DST: variants seen among roughly 807,000 people sequenced by gnomAD.
DST encodes the protein bullous pemphigoid antigen.
In DST, 253 loss-of-function variants were observed where a neutral mutation model predicts 875.2. That is an observed-to-expected ratio of 0.29 (90% confidence interval 0.26 to 0.32). The LOEUF is 0.32. DST is among the 10% of genes least tolerant of loss of function. The pLI is 1.00. For missense variants in DST, 8,287 were observed against 9,111.6 expected (o/e 0.91, Z 3.68); for synonymous variants, 3,124 against 3,197.1 (o/e 0.98, Z 0.77).
chr6:56,800,861 A>C (rs1295718739), intron 4 of DST, among the ~76,000 whole-genome samples: 1 of 151,996 alleles, frequency 6.6e-6, no homozygotes, highest in Admixed American at 6.6e-5. Flanking sequence ...TCTCCAAAAA[A>C]TACAAAAAAT....
At chr6:56,617,469 C>A in intron 36 of DST, 2 of 1,408,084 alleles carry the variant, frequency 1.4e-6, no homozygotes, top group South Asian at 2.3e-5. Context: ...AACATTATGT[C>A]ACTTTATCCA....
At chr6:56,523,430 C>T (rs949595347) in intron 69 of DST, among the ~76,000 whole-genome samples, 1 of 152,070 alleles carries the variant, frequency 6.6e-6, no homozygotes, top group Non-Finnish European at 1.5e-5. Flanking sequence ...AAAGTATGTG[C>T]TAATGAGAAG....
At chr6:56,821,001 T>C (rs1281551705) in intron 4 of DST, among the ~76,000 whole-genome samples, 1 of 152,152 alleles carries the variant, frequency 6.6e-6, no homozygotes, top group Non-Finnish European at 1.5e-5. Context: ...ACAGATTCAG[T>C]ATTCTTTTAA....
chr6:56,785,223 A>G (rs2152997557), intron 4 of DST, among the ~76,000 whole-genome samples: 1 of 152,324 alleles, frequency 6.6e-6, no homozygotes, highest in South Asian at 2.1e-4. Context: ...GAGTGCTGGG[A>G]GAACCACTGC....
chr6:56,699,590 C>T, intron 9 of DST, 63 bp downstream of exon 9: 1 of 741,636 alleles, frequency 1.3e-6, no homozygotes. Flanking sequence ...CATCATTCAC[C>T]CTTCATAGGA....
At position 56,608,139 on chromosome 6, in the gene DST, G is replaced by C. The variant is rs759419515; in HGVS notation, c.6489C>G (p.Leu2163=). 4 of 1,613,682 alleles carry C rather than the reference G, an allele frequency of 2.5e-6. No homozygotes were observed. Among genetic ancestry groups the C allele is most frequent in the Non-Finnish European group, 2.5e-6 (3 of 1,179,736 alleles). The change falls in exon 40 of 104, where the codon CTC becomes CTG. Residue 2163 remains leucine, a synonymous_variant. Transcript: ENST00000680361. The part of the protein sequence containing the change: ...LEACKNARRW[L]SFCKFQPSTV... ...TGGAGGGTTGAAATTTACAAAAAGA[G>C]AGCCATCTTCTGGCATTTTTACAAG...
In DST at chr6:56,607,687, C is replaced by A; in HGVS notation, c.6941G>T (p.Ser2314Ile). 1.2e-6 allele frequency: 2 copies of A among 1,613,416 alleles called. No individual in the cohort carries two copies. Among genetic ancestry groups the A allele is most frequent in the Non-Finnish European group, 1.7e-6 (2 of 1,179,610 alleles). ...FNEMRNTVIN[S>I]EFSQSGKLAS... ...CAGTTTTCCTGACTGAGAAAATTCA[C>A]TATTGATAACAGTATTTCTCATTTC... The change falls in exon 40 of 104, where the codon AGT (serine) becomes ATT (isoleucine). Residue 2314 changes from serine (S) to isoleucine (I), a missense_variant. Physicochemically the swap from Ser to Ile is moderately radical, Grantham distance 142. This residue lies in a region of DST where 3,138 missense variants were observed against 3,116.6 expected (regional missense o/e 1.01). Coordinates refer to ENST00000680361, the MANE Select transcript of DST (RefSeq NM_001374736.1).
At chr6:56,679,093 C>T (rs1416435737) in intron 9 of DST, among the ~76,000 whole-genome samples, 3 of 149,744 alleles carry the variant, frequency 2.0e-5, no homozygotes, top group Non-Finnish European at 4.4e-5. Flanking sequence ...AGCTAACTTA[C>T]GAGGGTTGAA....
intron 37 of DST, 147 bp from the exon 38 acceptor site, chr6:56,611,743 A>C: frequency 1.7e-6 from 1 of 604,946 alleles, no homozygotes. Flanking sequence ...AGTTATTAGC[A>C]GTCTATAGAG....
chr6:56,756,448 TG>T lies in DST; in HGVS notation c.626-21160del, dbSNP rs2099603635. ...GTCACAAGAATGGGCCAGAGTTCAC[TG>T]GTAGCTGACTTAAGAATCAGTGGCC... On this transcript the variant is annotated intron_variant, in intron 4 of 103. Transcript: ENST00000680361. 2.0e-5 allele frequency among the ~76,000 whole-genome samples: 3 copies of T among 152,072 alleles called. No homozygotes were observed. The South Asian group carries it at 6.2e-4, about 32-fold the overall frequency.
chr6:56,835,866 G>T (rs927322975), intron 4 of DST, among the ~76,000 whole-genome samples: 1 of 152,158 alleles, frequency 6.6e-6, no homozygotes, highest in Non-Finnish European at 1.5e-5. Context: ...TCAAGACTTT[G>T]TCAACGCTCT....
At chr6:56,477,518 T>C (rs751696775) in intron 90 of DST, 30 bp from the exon 91 acceptor site, 1 of 1,613,150 alleles carries the variant, frequency 6.2e-7, no homozygotes, top group Non-Finnish European at 8.5e-7. Flanking sequence ...TTCAATTAAC[T>C]GTTGGCATTG....
intron 4 of DST, among the ~76,000 whole-genome samples, chr6:56,837,772 G>A (rs1360558166): frequency 6.6e-6 from 1 of 151,882 alleles, no homozygotes; most frequent in Non-Finnish European, 1.5e-5. Flanking sequence ...TTCCTCCCTG[G>A]TACTTTTCAC....
In DST at chr6:56,528,858, A is replaced by C; in HGVS notation, c.17663T>G (p.Leu5888Arg). The C allele has an allele frequency of 6.3e-7, 1 of 1,577,966 alleles. No homozygotes were observed. Among genetic ancestry groups the C allele is most frequent in the Non-Finnish European group, 8.6e-7 (1 of 1,158,212 alleles). ...TATCTCACCTGTGGTTTGTTTAAGTAGTTCTAAACCATTTAGTAAAGCCTG... is the reference window on the plus strand; with the variant it reads ...TATCTCACCTGTGGTTTGTTTAAGTCGTTCTAAACCATTTAGTAAAGCCTG... ...VDQALLNGLE[L>R]LKQTTGDEVL... Residue 5888 changes from leucine (L) to arginine (R), a missense_variant, in exon 67 of 104, where the codon CTA becomes CGA. Physicochemically the swap from Leu to Arg is moderately radical, Grantham distance 102. Coordinates refer to ENST00000680361, the MANE Select transcript of DST (RefSeq NM_001374736.1).
At chr6:56,465,197 G>A (rs551390926) in intron 99 of DST, among the ~76,000 whole-genome samples, 1 of 152,290 alleles carries the variant, frequency 6.6e-6, no homozygotes, top group African/African-American at 2.4e-5. Context: ...ATATGTCTAT[G>A]TGTACCAGAT....
At chr6:56,692,507 T>C in intron 9 of DST, 1 of 1,289,814 alleles carries the variant, frequency 7.8e-7, no homozygotes, top group Non-Finnish European at 1.0e-6. Context: ...GTGTTTTGCT[T>C]TTCTTGAATA....
chr6:56,497,674 G>A, intron 81 of DST, 167 bp from the exon 82 acceptor site: 2 of 965,048 alleles, frequency 2.1e-6, no homozygotes, highest in Non-Finnish European at 1.5e-6. Context: ...GTAGATAAGA[G>A]TATTATGCTA....
chr6:56,821,786 C>T (rs1030639831), intron 4 of DST, among the ~76,000 whole-genome samples: 1 of 152,132 alleles, frequency 6.6e-6, no homozygotes, highest in Non-Finnish European at 1.5e-5. Context: ...GAAATCTGAC[C>T]TATCATGTCT....
chr6:56,572,088 A>G lies in DST; in HGVS notation c.13721+12T>C. On this transcript the variant is annotated intron_variant, in intron 53 of 103. Coordinates refer to ENST00000680361, the MANE Select transcript of DST (RefSeq NM_001374736.1). Reference sequence around the variant, plus strand: ...AAATAGAATAAAATATAATTTTTAAAGTGGTACTTACTTTTCTTTGATGGT... The same window carrying G: ...AAATAGAATAAAATATAATTTTTAAGGTGGTACTTACTTTTCTTTGATGGT... 7.2e-7 allele frequency: 1 copy of G among 1,385,016 alleles called. No individual in the cohort carries two copies. The highest frequency in any genetic ancestry group is 9.6e-7 in the Non-Finnish European group (1 of 1,041,526). The allele number at this position is 1,385,016 out of a possible 1,614,324, so 85.8% of individuals were successfully genotyped here.
Sources: gnomAD v4.1 joint callset for allele counts (sites outside exome capture counted in the v4.1 genomes callset) on GRCh38, gnomAD v4.1.1 for gene constraint, gnomAD v4.1.1 regional missense constraint, MANE v1.5 for transcripts, NCBI Gene and HGNC (gene_info 2026-07-23, HGNC 2026-07-21) for gene names.